The following CPZ variants were observed in gnomAD, a reference collection of about 807,000 sequenced individuals.
CPZ encodes carboxypeptidase Z.
CPZ carries 103 observed loss-of-function variants against 61.8 expected under a neutral mutation model. That is an observed-to-expected ratio of 1.67 (90% CI 1.42 to 1.96). The LOEUF (loss-of-function observed/expected upper bound fraction) is 1.96, where lower values mean the gene tolerates loss of function less well. CPZ is among the 30% of genes most tolerant of loss of function. The pLI is 0.00. For synonymous variants in CPZ, 551 were observed against 373.7 expected, an observed-to-expected ratio of 1.47 and a Z score of -5.47; for missense variants, 1,461 against 914.9, an observed-to-expected ratio of 1.60 and a Z score of -7.70.
intron 1 of CPZ, among the ~76,000 whole-genome samples, chr4:8,594,751 C>A (rs10938726): frequency 0.19 from 28,511 of 151,056 alleles, 3,351 homozygotes; most frequent in Non-Finnish European, 0.25. Context: ...CAGAAACAGG[C>A]GAAACTGATT....
chr4:8,592,940 C>T lies in CPZ; in HGVS notation c.88+19C>T. 1.3e-6 allele frequency: 2 copies of T among 1,515,486 alleles called. No homozygotes were observed. Among genetic ancestry groups the T allele is most frequent in the Non-Finnish European group, 1.8e-6 (2 of 1,128,300 alleles). The allele number at this position is 1,515,486 out of a possible 1,614,324, so 93.9% of individuals were successfully genotyped here. ...CCCGCCGGTAAGGCCGTCCCCTGCC[C>T]CCACCCTCCACCCTCCACCCTGCAA... On this transcript the variant is annotated intron_variant, in intron 1 of 10. Coordinates refer to ENST00000360986, the MANE Select transcript of CPZ (RefSeq NM_001014447.3).
Position 8,601,163 on chromosome 4 carries a change from C to T in CPZ, c.162C>T (p.Ala54=), listed in dbSNP as rs781162262. 270 of 1,598,808 alleles carry T rather than the reference C, an allele frequency of 1.7e-4. No individual in the cohort carries two copies. The highest frequency in any genetic ancestry group is 2.1e-4 in the Non-Finnish European group (251 of 1,169,452). Residue 54 remains alanine, a synonymous_variant, in exon 3 of 11, where the codon GCC becomes GCT. Transcript: ENST00000360986. The part of the protein sequence containing the change: ...VDLQLRTCSD[A]AYNHTTFPNL... ...TGCAGCTCAGGACCTGCAGCGATGC[C>T]GCCTACAACCACACCACCTTCCCCA...
At chr4:8,611,257 G>T (rs1346268291) in intron 7 of CPZ, 1 of 456,292 alleles carries the variant, frequency 2.2e-6, no homozygotes, top group Non-Finnish European at 4.4e-6. Context: ...CCCACCAGGA[G>T]CCTCTGCCCA....
chr4:8,606,257 G>A, intron 5 of CPZ, 72 bp downstream of exon 5: 3 of 1,432,486 alleles, frequency 2.1e-6, no homozygotes, highest in Non-Finnish European at 2.8e-6. Context: ...TTTATGAGTA[G>A]TTTATCCCAG....
At chr4:8,605,882 G>A in intron 4 of CPZ, 107 bp from the exon 5 acceptor site, 1 of 1,091,324 alleles carries the variant, frequency 9.2e-7, no homozygotes, top group South Asian at 1.6e-5. Flanking sequence ...AAACAAGTAT[G>A]AATTGGTCCC....
At chr4:8,609,053 T>A (rs796890783) in intron 7 of CPZ, among the ~76,000 whole-genome samples, 140 of 80,782 alleles carry the variant, frequency 1.7e-3, no homozygotes, top group African/African-American at 8.7e-3. Flanking sequence ...ACTCCCTCCC[T>A]CCCTCACTCC....
intron 10 of CPZ, 146 bp downstream of exon 10, chr4:8,618,674 G>A (rs1295349067): frequency 4.1e-6 from 3 of 728,234 alleles, no homozygotes; most frequent in Non-Finnish European, 4.6e-6. Flanking sequence ...GGTCGGGGAG[G>A]GTGGGCAGGA....
chr4:8,606,264 C>T (rs1435555664), intron 5 of CPZ, 79 bp downstream of exon 5: 5 of 1,377,680 alleles, frequency 3.6e-6, no homozygotes, highest in Non-Finnish European at 4.9e-6. Context: ...GTAGTTTATC[C>T]CAGCAGTGCT....
Position 8,607,340 on chromosome 4 carries a change from G to C in CPZ, c.1142G>C (p.Gly381Ala), listed in dbSNP as rs1715120657. Residue 381 changes from glycine (G) to alanine (A), a missense_variant, in exon 7 of 11, where the codon GGG (glycine) becomes GCG (alanine). Transcript: ENST00000360986. ...TTTGTGCTCTCAGCCAGCCTTCATG[G>C]GGGCGACCTGGTGGTGTCCTACCCC... ...IPFVLSASLHGGDLVVSYPFD... is the reference protein window; with the variant it reads ...IPFVLSASLHAGDLVVSYPFD... 6.2e-7 allele frequency: 1 copy of C among 1,613,974 alleles called. No individual in the cohort carries two copies. The highest frequency in any genetic ancestry group is 1.3e-5 in the African/African-American group (1 of 74,908).
chr4:8,606,622 G>C (rs1577116189), intron 5 of CPZ, 115 bp from the exon 6 acceptor site: 3 of 1,342,476 alleles, frequency 2.2e-6, no homozygotes, highest in Non-Finnish European at 3.2e-6. Flanking sequence ...ATCACATAAA[G>C]CCGGGGGAAA....
chr4:8,603,494 T>C (rs1714727867), intron 3 of CPZ: 1 of 159,980 alleles, frequency 6.3e-6, no homozygotes, highest in Non-Finnish European at 1.3e-5. Flanking sequence ...ACAGAAACAC[T>C]GGGAAGCCTC....
At chr4:8,599,880 C>T (rs865833657) in intron 2 of CPZ, 34 of 233,522 alleles carry the variant, frequency 1.5e-4, no homozygotes, top group Middle Eastern at 3.3e-3. Flanking sequence ...GCCCCGATTT[C>T]CTCCTTGTGA....
Position 8,592,882 on chromosome 4 carries a change from G to A in CPZ, c.49G>A (p.Ala17Thr), listed in dbSNP as rs762996967. The change falls in exon 1 of 11, where the codon GCT becomes ACT. Residue 17 changes from alanine (A) to threonine (T), a missense_variant. By Grantham distance (58) the Ala-to-Thr change is moderately conservative. Coordinates refer to ENST00000360986, the MANE Select transcript of CPZ (RefSeq NM_001014447.3). Reference protein sequence around the residue: ...LLLLTVLVVAAARPGCEFERN... With the variant: ...LLLLTVLVVATARPGCEFERN... ...GCTCCTTACAGTCCTGGTCGTCGCC[G>A]CTGCCCGGCCGGGGTGCGAGTTTGA... 2 of 1,533,478 alleles carry A rather than the reference G, an allele frequency of 1.3e-6. No homozygotes were observed. Among genetic ancestry groups the A allele is most frequent in the African/African-American group, 1.4e-5 (1 of 72,648 alleles). 95.0% of individuals were successfully genotyped at this position (1,533,478 alleles called of 1,614,324 possible).
At position 8,612,149 on chromosome 4, in the gene CPZ, C is replaced by A; in HGVS notation, c.1350C>A (p.Tyr450Ter). 6.6e-7 allele frequency: 1 copy of A among 1,509,282 alleles called. No homozygotes were observed. The highest frequency in any genetic ancestry group is 8.9e-7 in the Non-Finnish European group (1 of 1,125,360). 93.5% of individuals were successfully genotyped at this position (1,509,282 alleles called of 1,614,324 possible). Residue 450 changes from tyrosine to a stop codon, truncating the protein, a stop_gained, in exon 8 of 11, where the codon TAC (tyrosine) becomes TAA (stop). Coordinates refer to ENST00000360986, the MANE Select transcript of CPZ (RefSeq NM_001014447.3). LOFTEE classifies it high-confidence loss of function. ...RGSIINGADW[Y>*]SFTGGMSDFN... ...GCATCATCAACGGGGCGGACTGGTA[C>A]AGCTTCACGGGAGGTGCGGCTTCCG... is the stretch of plus-strand genomic sequence containing the variant.
At chr4:8,619,133 C>T in intron 10 of CPZ, 129 bp from the exon 11 acceptor site, 3 of 752,614 alleles carry the variant, frequency 4.0e-6, no homozygotes, top group Non-Finnish European at 6.4e-6. Context: ...TCCAGGCCCA[C>T]ACAGAGGCAA....
intron 9 of CPZ, among the ~76,000 whole-genome samples, chr4:8,614,960 A>C (rs1262989586): frequency 1.3e-5 from 2 of 152,076 alleles, no homozygotes; most frequent in Non-Finnish European, 2.9e-5. Flanking sequence ...AAAACCCTCG[A>C]GAGCCGCTGG....
intron 7 of CPZ, among the ~76,000 whole-genome samples, chr4:8,609,105 CCCTT>C (rs1247130741): frequency 6.7e-3 from 40 of 6,014 alleles, no homozygotes; most frequent in Non-Finnish European, 0.015. Flanking sequence ...CTCACTCACT[CCCTT>C]CCTCACTCCC....
At chr4:8,609,181 CAGGCA>C in intron 7 of CPZ, among the ~76,000 whole-genome samples, 1 of 34,884 alleles carries the variant, frequency 2.9e-5, no homozygotes, top group East Asian at 7.0e-4. Context: ...CCCATTCACT[CAGGCA>C]TTCACTCACT....
chr4:8,617,656 C>A (rs1344981489), intron 9 of CPZ, among the ~76,000 whole-genome samples: 1 of 152,144 alleles, frequency 6.6e-6, no homozygotes, highest in Non-Finnish European at 1.5e-5. Flanking sequence ...TGCTGCTGAG[C>A]CCCGTGCAGG....
Sources: allele counts gnomAD v4.1 joint callset (sites outside exome capture counted in the v4.1 genomes callset), GRCh38; gene constraint gnomAD v4.1.1; transcripts MANE v1.5; gene names NCBI Gene and HGNC (gene_info 2026-07-23, HGNC 2026-07-21).